ADCY2: variants seen among roughly 807,000 people sequenced by gnomAD.
The protein encoded by ADCY2 is adenylate cyclase 2.
ADCY2 carries 31 observed loss-of-function variants against 125.2 expected under a neutral mutation model. The observed-to-expected ratio is 0.25, with a 90% CI of 0.19 to 0.33. ADCY2 has a LOEUF of 0.33. Among genes scored for constraint, ADCY2 ranks in the 10% least tolerant of loss-of-function variants. ADCY2 has a pLI of 1.00. For synonymous variants in ADCY2, 512 were observed against 548.4 expected (o/e 0.93, Z 0.93); for missense variants, 904 against 1,418.2 (o/e 0.64, Z 5.82).
intron 1 of ADCY2, among the ~76,000 whole-genome samples, chr5:7,400,054 G>A (rs1226214195): frequency 6.6e-6 from 1 of 151,934 alleles, no homozygotes; most frequent in Non-Finnish European, 1.5e-5. Flanking sequence ...AAATCAGCCA[G>A]CTGTTTTCAA....
chr5:7,522,640 C>A (rs568119855), intron 3 of ADCY2: 3 of 151,496 alleles, frequency 2.0e-5, no homozygotes, highest in Non-Finnish European at 4.4e-5. Context: ...CGGTGGCTCA[C>A]GCCTGTAATC....
rs144601123 is a variant in ADCY2, at chr5:7,751,758, A to G, written c.1957-5691A>G. 1.7e-3 allele frequency among the ~76,000 whole-genome samples: 252 copies of G among 152,190 alleles called. 2 individuals carry two copies. Among genetic ancestry groups the G allele is most frequent in the African/African-American group, 5.7e-3 (238 of 41,524 alleles). ...GTCCACGTTTGGCTGGCCCAAGGAAATATCTTCTTTTCCCTATGGGTGTTA... is the reference window on the plus strand; with the variant it reads ...GTCCACGTTTGGCTGGCCCAAGGAAGTATCTTCTTTTCCCTATGGGTGTTA... On this transcript the variant is annotated intron_variant, in intron 15 of 24. Transcript: ENST00000338316.
rs539776624 is a variant in ADCY2 at position 7,525,358 on chromosome 5, C to T, written c.570+4459C>T. Among the ~76,000 whole-genome samples, 58 of 152,228 alleles carry T rather than the reference C, an allele frequency of 3.8e-4. No individual in the cohort carries two copies. The South Asian group carries it at 0.012, about 31-fold the overall frequency. ...CATTGTCTCTGGTTTGTGCAGTGGG[C>T]GCCTCTTCAAGCTGGCCTCTGTGTC... On this transcript the variant is annotated intron_variant, in intron 3 of 24. Coordinates refer to ENST00000338316, the MANE Select transcript of ADCY2 (RefSeq NM_020546.3).
chr5:7,735,716 A>C (rs1350944130), intron 14 of ADCY2, among the ~76,000 whole-genome samples: 1 of 152,144 alleles, frequency 6.6e-6, no homozygotes, highest in Non-Finnish European at 1.5e-5. Flanking sequence ...TTGTGGCTGG[A>C]TTCAATTGAC....
At chr5:7,700,198 A>G (rs1741033243) in intron 7 of ADCY2, among the ~76,000 whole-genome samples, 1 of 152,166 alleles carries the variant, frequency 6.6e-6, no homozygotes, top group Non-Finnish European at 1.5e-5. Context: ...TTTGTAACAT[A>G]TATTTTCTGC....
At chr5:7,466,080 C>T (rs547360231) in intron 2 of ADCY2, among the ~76,000 whole-genome samples, 2 of 152,214 alleles carry the variant, frequency 1.3e-5, no homozygotes, top group East Asian at 3.9e-4. Flanking sequence ...TTATTATGTG[C>T]CAGTAATGAT....
intron 20 of ADCY2, chr5:7,801,834 A>C (rs1285990259): frequency 1.2e-5 from 2 of 172,208 alleles, no homozygotes; most frequent in Non-Finnish European, 2.5e-5. Context: ...CTCCCATCCA[A>C]ATACTATAGC....
At position 7,419,749 on chromosome 5, in the gene ADCY2, C is replaced by T. The variant is rs548020884; in HGVS notation, c.408+4979C>T. ...CCAGCAGTTGAGGGCAAGGCCAGAC[C>T]TCATATAAGGTTAACTCTAAACTGT... On this transcript the variant is annotated intron_variant, in intron 2 of 24. Transcript: ENST00000338316. 3.9e-5 allele frequency among the ~76,000 whole-genome samples: 6 copies of T among 152,252 alleles called. No homozygotes were observed. In the South Asian group the frequency reaches 6.2e-4, roughly 16 times the overall value.
At chr5:7,544,013 CAAAAAAAAAAAAAAA>C (rs57983443) in intron 3 of ADCY2, among the ~76,000 whole-genome samples, 1 of 70,698 alleles carries the variant, frequency 1.4e-5, no homozygotes, top group East Asian at 4.8e-4. Flanking sequence ...GACTCCGTCT[CAAAAAAAAAAAAAAA>C]AAAAAAAAAA....
intron 3 of ADCY2, among the ~76,000 whole-genome samples, chr5:7,532,880 TAAC>T (rs1351428073): frequency 1.3e-5 from 2 of 151,932 alleles, no homozygotes; most frequent in Admixed American, 6.6e-5. Context: ...ATAATAATAA[TAAC>T]AAACACTTAT....
chr5:7,560,513 C>T (rs1163044264), intron 3 of ADCY2, among the ~76,000 whole-genome samples: 7 of 151,976 alleles, frequency 4.6e-5, no homozygotes, highest in Admixed American at 2.6e-4. Context: ...AAATAACTGC[C>T]TGCATTTTTT....
chr5:7,396,432 C>G lies in ADCY2; in HGVS notation c.136C>G (p.Leu46Val). ...SYYCMSQQHP[L>V]IVFLLLIVMG... ...CTACTGCATGAGCCAGCAGCACCCGCTCATCGTCTTCCTGCTGCTCATCGT... is the reference window on the plus strand; with the variant it reads ...CTACTGCATGAGCCAGCAGCACCCGGTCATCGTCTTCCTGCTGCTCATCGT... Residue 46 changes from leucine to valine, a missense_variant, in exon 1 of 25, where the codon CTC becomes GTC. Around this residue, in one of 7 missense-constraint regions of ADCY2, gnomAD observed 113 missense variants for 108.0 expected, o/e 1.05. Transcript: ENST00000338316. The surrounding 1 kb of genome is among the most constrained non-coding windows in gnomAD (Gnocchi z 5.7). The G allele has an allele frequency of 6.3e-7, 1 of 1,580,222 alleles. No homozygotes were observed. Among genetic ancestry groups the G allele is most frequent in the South Asian group, 1.1e-5 (1 of 88,236 alleles).
chr5:7,418,677 A>G lies in ADCY2; in HGVS notation c.408+3907A>G, dbSNP rs559697143. On this transcript the variant is annotated intron_variant, in intron 2 of 24. Transcript: ENST00000338316. Reference sequence around the variant, plus strand: ...TTTTTTTTTTTTTTTTTTTTTTGAGACTGAATCTCACTCTGTCACCCAGGC... The same window carrying G: ...TTTTTTTTTTTTTTTTTTTTTTGAGGCTGAATCTCACTCTGTCACCCAGGC... 4.2e-3 allele frequency among the ~76,000 whole-genome samples: 230 copies of G among 54,290 alleles called. 1 individual carries two copies. The highest frequency in any genetic ancestry group is 0.024 in the African/African-American group (223 of 9,484). The allele number at this position is 54,290 out of a possible 152,430, so 35.6% of individuals were successfully genotyped here. A position where few individuals can be genotyped will look rare whatever the true frequency, so the allele number is the denominator to read the frequency against.
At chr5:7,796,554 A>G (rs906585946) in intron 20 of ADCY2, 1 of 152,232 alleles carries the variant, frequency 6.6e-6, no homozygotes, top group Admixed American at 6.5e-5. Flanking sequence ...TCAATGAAGA[A>G]GTGCTCATAG....
chr5:7,585,867 G>A (rs1360915386), intron 3 of ADCY2, among the ~76,000 whole-genome samples: 1 of 152,160 alleles, frequency 6.6e-6, no homozygotes, highest in Admixed American at 6.5e-5. Context: ...TGAAGCAATG[G>A]CTATGTTAAC....
chr5:7,801,514 AC>A (rs1216433538), intron 20 of ADCY2: 1 of 152,140 alleles, frequency 6.6e-6, no homozygotes, highest in Non-Finnish European at 1.5e-5. Context: ...CCCCAAGACC[AC>A]CTAACAACTC....
At chr5:7,717,947 G>C (rs140019633) in intron 12 of ADCY2, among the ~76,000 whole-genome samples, 31 of 152,258 alleles carry the variant, frequency 2.0e-4, no homozygotes, top group Non-Finnish European at 2.9e-4. Flanking sequence ...GAGTTGAACT[G>C]TAGTGAAAAC....
At chr5:7,784,107 T>C (rs1033984613) in intron 18 of ADCY2, among the ~76,000 whole-genome samples, 5 of 152,248 alleles carry the variant, frequency 3.3e-5, no homozygotes, top group Non-Finnish European at 5.9e-5. Context: ...AATATTCTTG[T>C]ATGTCTTCTT....
At chr5:7,638,538 G>A (rs1164938413) in intron 4 of ADCY2, among the ~76,000 whole-genome samples, 1 of 152,156 alleles carries the variant, frequency 6.6e-6, no homozygotes, top group East Asian at 1.9e-4. Context: ...GAGGCATGAT[G>A]CCAATGATGA....
Sources: gnomAD v4.1 joint callset for allele counts (sites outside exome capture counted in the v4.1 genomes callset) on GRCh38, gnomAD v4.1.1 for gene constraint, gnomAD v4.1.1 regional missense constraint, Gnocchi (gnomAD v3.1) non-coding constraint, MANE v1.5 for transcripts, NCBI Gene and HGNC (gene_info 2026-07-23, HGNC 2026-07-21) for gene names.